Variants in TMEM237 observed in about 807,000 individuals in gnomAD.
TMEM237 encodes amyotrophic lateral sclerosis 2 (juvenile) chromosome region, candidate 4.
In TMEM237, 51 loss-of-function variants were observed where a neutral mutation model predicts 59.1. The ratio of observed to expected loss-of-function variants is 0.86; its 90% CI spans 0.69 to 1.09. TMEM237 has a LOEUF of 1.09. Ranked by LOEUF, TMEM237 falls within the 50% of genes least tolerant of loss-of-function variation. TMEM237 has a pLI of 0.00. For missense variants in TMEM237, 475 were observed against 478.3 expected (o/e 0.99, Z 0.06); for synonymous variants, 140 against 166.1 (o/e 0.84, Z 1.21).
rs768528861 is a variant in TMEM237 at position 201,628,129 on chromosome 2, G to C, written c.890C>G (p.Ser297Ter). 7 of 1,605,822 alleles carry C rather than the reference G, an allele frequency of 4.4e-6. No homozygotes were observed. Among genetic ancestry groups the C allele is most frequent in the Non-Finnish European group, 6.0e-6 (7 of 1,175,892 alleles). The change falls in exon 10 of 13, where the codon TCA (serine) becomes TGA (stop). Residue 297 changes from serine (S) to a stop codon, truncating the protein, a stop_gained. Coordinates refer to ENST00000409883, the MANE Select transcript of TMEM237 (RefSeq NM_001044385.3). LOFTEE classifies it high-confidence loss of function. ...GGCCAAAAAATTTCGGATTGCTACTGATATTTTAGCAAAGTCAATCCTAGA... is the reference window on the plus strand; with the variant it reads ...GGCCAAAAAATTTCGGATTGCTACTCATATTTTAGCAAAGTCAATCCTAGA... ...AFDRIDFAKI[S>*]VAIRNFLALD... is the part of the protein sequence containing the mutation.
In TMEM237 at chr2:201,643,462, G is replaced by A. The variant is rs1417553389; in HGVS notation, c.-62C>T. The A allele has an allele frequency of 1.5e-6, 2 of 1,372,338 alleles. No homozygotes were observed. The highest frequency in any genetic ancestry group is 6.2e-5 in the East Asian group (2 of 32,194). 85.0% of individuals were successfully genotyped at this position (1,372,338 alleles called of 1,614,324 possible). A position where few individuals can be genotyped will look rare whatever the true frequency, so the allele number is the denominator to read the frequency against. ...CGGCGGCCCGAGCCCAGCTCCCCGCGACGCAGCGGCCTCCGGGACCTGTGG... is the reference window on the plus strand; with the variant it reads ...CGGCGGCCCGAGCCCAGCTCCCCGCAACGCAGCGGCCTCCGGGACCTGTGG... On this transcript the variant is annotated 5_prime_UTR_variant, in exon 1 of 13. Coordinates refer to ENST00000409883, the MANE Select transcript of TMEM237 (RefSeq NM_001044385.3). The surrounding 1 kb of genome is among the most constrained non-coding windows in gnomAD (Gnocchi z 4.3).
In TMEM237 at chr2:201,643,218, C is replaced by T. The variant is rs1241925195; in HGVS notation, c.42+141G>A. On this transcript the variant is annotated intron_variant, in intron 1 of 12. Transcript: ENST00000409883. This position sits in a 1 kb window ranked among gnomAD's most constrained non-coding sequence, Gnocchi z 4.3. ...CCCATTCCTGTGAACACTGGAGGGGCGGATGCGCGCACCCCACGAGCAAGG... is the reference window on the plus strand; with the variant it reads ...CCCATTCCTGTGAACACTGGAGGGGTGGATGCGCGCACCCCACGAGCAAGG... 5 of 935,972 alleles carry T rather than the reference C, an allele frequency of 5.3e-6. No homozygotes were observed. The highest frequency in any genetic ancestry group is 6.4e-5 in the East Asian group (2 of 31,028). The allele number at this position is 935,972 out of a possible 1,614,324, so 58.0% of individuals were successfully genotyped here. A position where few individuals can be genotyped will look rare whatever the true frequency, so the allele number is the denominator to read the frequency against.
intron 12 of TMEM237, among the ~76,000 whole-genome samples, chr2:201,624,744 T>A (rs150029437): frequency 6.6e-6 from 1 of 152,264 alleles, no homozygotes; most frequent in East Asian, 1.9e-4. Context: ...AAATGGGTCA[T>A]CCCATTTAAT....
chr2:201,637,843 C>T (rs1426732518), intron 4 of TMEM237, among the ~76,000 whole-genome samples: 3 of 151,918 alleles, frequency 2.0e-5, no homozygotes, highest in African/African-American at 7.3e-5. Context: ...AGCTACTTTT[C>T]CCCCACTAAA....
chr2:201,635,645 C>T lies in TMEM237; in HGVS notation c.274+1103G>A, dbSNP rs1687286129. 6.6e-6 allele frequency among the ~76,000 whole-genome samples: 1 copy of T among 152,094 alleles called. No individual in the cohort carries two copies. Among genetic ancestry groups the T allele is most frequent in the East Asian group, 1.9e-4 (1 of 5,196 alleles). Reference sequence around the variant, plus strand: ...AGCATCATGGCAAATGCCTGTAATCCCAGCTACTCAGGAGGCCGAGGCAGG... The same window carrying T: ...AGCATCATGGCAAATGCCTGTAATCTCAGCTACTCAGGAGGCCGAGGCAGG... On this transcript the variant is annotated intron_variant, in intron 5 of 12. Coordinates refer to ENST00000409883, the MANE Select transcript of TMEM237 (RefSeq NM_001044385.3). This position sits in a 1 kb window ranked among gnomAD's most constrained non-coding sequence, Gnocchi z 4.5.
chr2:201,641,740 C>CACACAA (rs147726482), intron 1 of TMEM237, among the ~76,000 whole-genome samples: 1 of 151,466 alleles, frequency 6.6e-6, no homozygotes, highest in African/African-American at 2.4e-5. Context: ...TACACACACA[C>CACACAA]AAAACGTAAT....
At chr2:201,628,680 C>G (rs1957780817) in intron 9 of TMEM237, among the ~76,000 whole-genome samples, 1 of 152,098 alleles carries the variant, frequency 6.6e-6, no homozygotes, top group Admixed American at 6.6e-5. Flanking sequence ...GAAAGTGCTG[C>G]ATGACGATAG....
chr2:201,635,746 G>A lies in TMEM237; in HGVS notation c.274+1002C>T, dbSNP rs1237163514. On this transcript the variant is annotated intron_variant, in intron 5 of 12. Transcript: ENST00000409883. This position sits in a 1 kb window ranked among gnomAD's most constrained non-coding sequence, Gnocchi z 4.5. Reference sequence around the variant, plus strand: ...CATTGCACTCCAGCCTGGGCTATAAGAGTGAAACTCCATCTTAAAAAAAAA... The same window carrying A: ...CATTGCACTCCAGCCTGGGCTATAAAAGTGAAACTCCATCTTAAAAAAAAA... 1.4e-5 allele frequency among the ~76,000 whole-genome samples: 2 copies of A among 142,220 alleles called. No homozygotes were observed. The highest frequency in any genetic ancestry group is 3.0e-5 in the Non-Finnish European group (2 of 66,116). The allele number at this position is 142,220 out of a possible 152,430, so 93.3% of individuals were successfully genotyped here. A position where few individuals can be genotyped will look rare whatever the true frequency, so the allele number is the denominator to read the frequency against.
At chr2:201,636,529 C>T (rs1425494077) in intron 5 of TMEM237, 1 of 463,420 alleles carries the variant, frequency 2.2e-6, no homozygotes. Flanking sequence ...TATTTGTTGC[C>T]CTCCTCTCAT....
In TMEM237 at chr2:201,623,222, A is replaced by G. The variant is rs1036660119; in HGVS notation, c.*1033T>C. On this transcript the variant is annotated 3_prime_UTR_variant, in exon 13 of 13. Transcript: ENST00000409883. ...GCTTGCTAATCAGGGCAGGCTCAAT[A>G]GTTTTATTGATGTGCTCAACAGCCT... The G allele has an allele frequency of 1.1e-5, 5 of 439,662 alleles. No individual in the cohort carries two copies. The highest frequency in any genetic ancestry group is 8.1e-5 in the African/African-American group (4 of 49,640). 27.2% of individuals were successfully genotyped at this position (439,662 alleles called of 1,614,324 possible).
intron 10 of TMEM237, 46 bp downstream of exon 10, chr2:201,628,029 GT>G: frequency 7.5e-7 from 1 of 1,336,088 alleles, no homozygotes; most frequent in Non-Finnish European, 1.0e-6. Context: ...CAAAATTATG[GT>G]ATAACTGAAG....
chr2:201,638,728 C>G, intron 4 of TMEM237: 1 of 493,758 alleles, frequency 2.0e-6, no homozygotes, highest in Middle Eastern at 5.1e-4. Context: ...CTTAAAGAGT[C>G]CAGGAATATC....
intron 10 of TMEM237, 100 bp downstream of exon 10, chr2:201,627,976 A>G: frequency 1.4e-6 from 1 of 726,160 alleles, no homozygotes; most frequent in South Asian, 2.3e-5. Context: ...GTTTATAAGG[A>G]GCAGTAATAC....
chr2:201,627,330 C>T lies in TMEM237; in HGVS notation c.1028G>A (p.Gly343Asp). The T allele has an allele frequency of 6.2e-7, 1 of 1,605,126 alleles. No homozygotes were observed. Among genetic ancestry groups the T allele is most frequent in the Non-Finnish European group, 8.5e-7 (1 of 1,175,168 alleles). The change falls in exon 11 of 13, where the codon GGT becomes GAT. Residue 343 changes from glycine (G) to aspartate (D), a missense_variant. Coordinates refer to ENST00000409883, the MANE Select transcript of TMEM237 (RefSeq NM_001044385.3). The stretch of plus-strand genomic sequence containing the variant: ...CATTGTGAATTCTTACCAGAGGCTA[C>T]CATTAACAGAAGAAGGTGTGTAAAG... ...IHLYTPSSVN[G>D]SLWEAGIEEQ... is the part of the protein sequence containing the mutation.
At chr2:201,636,970 A>C in intron 4 of TMEM237, 85 bp from the exon 5 acceptor site, 2 of 1,350,884 alleles carry the variant, frequency 1.5e-6, no homozygotes, top group Non-Finnish European at 2.0e-6. Flanking sequence ...AGGTAACTAG[A>C]ATGTTTCCTA....
chr2:201,640,934 A>C lies in TMEM237; in HGVS notation c.43-10T>G. 6.2e-7 allele frequency: 1 copy of C among 1,602,396 alleles called. No individual in the cohort carries two copies. Among genetic ancestry groups the C allele is most frequent in the Non-Finnish European group, 8.5e-7 (1 of 1,171,908 alleles). ...GAGCTCGTGGAGGACGCTGTGGCGGAAAAAATAAATTTGCTTGTAAGTAAA... is the reference window on the plus strand; with the variant it reads ...GAGCTCGTGGAGGACGCTGTGGCGGCAAAAATAAATTTGCTTGTAAGTAAA... On this transcript the variant is annotated splice_polypyrimidine_tract_variant and intron_variant, in intron 1 of 12. Coordinates refer to ENST00000409883, the MANE Select transcript of TMEM237 (RefSeq NM_001044385.3).
chr2:201,629,452 T>C, intron 8 of TMEM237, 31 bp from the exon 9 acceptor site: 1 of 1,481,998 alleles, frequency 6.7e-7, no homozygotes, highest in Non-Finnish European at 8.9e-7. Flanking sequence ...TTATTATACA[T>C]GAATTACTAA....
intron 1 of TMEM237, chr2:201,642,695 T>A (rs1687451411): frequency 6.3e-7 from 1 of 1,590,378 alleles, no homozygotes. Context: ...CCCGGCTCGG[T>A]CGCGCGCGCA....
At chr2:201,633,464 A>C in intron 5 of TMEM237, 33 bp from the exon 6 acceptor site, 1 of 1,472,512 alleles carries the variant, frequency 6.8e-7, no homozygotes, top group Non-Finnish European at 9.0e-7. Flanking sequence ...TTTTCAAATA[A>C]CTAAAACATA....
Sources: gnomAD v4.1 joint callset for allele counts (sites outside exome capture counted in the v4.1 genomes callset) on GRCh38, gnomAD v4.1.1 for gene constraint, Gnocchi (gnomAD v3.1) non-coding constraint, MANE v1.5 for transcripts, NCBI Gene and HGNC (gene_info 2026-07-23, HGNC 2026-07-21) for gene names.